Variants in MIB1 observed in about 807,000 individuals in gnomAD.
The protein encoded by MIB1 is MIB E3 ubiquitin protein ligase 1, also known as E3 ubiquitin-protein ligase MIB1.
Under a neutral mutation model 124.5 loss-of-function variants are expected in MIB1, and 278 were observed. The ratio of observed to expected loss-of-function variants is 2.23; its 90% confidence interval spans 2.02 to 2.47. MIB1 has a LOEUF of 2.47. Ranked by LOEUF, MIB1 falls within the 30% of genes most tolerant of loss-of-function variation. The pLI, the probability that MIB1 is intolerant of heterozygous loss-of-function variation, is 0.00. For synonymous variants in MIB1, 446 were observed against 429.4 expected, an observed-to-expected ratio of 1.04 and a Z score of -0.48; for missense variants, 957 against 1,254.4, an observed-to-expected ratio of 0.76 and a Z score of 3.58.
intron 12 of MIB1, among the ~76,000 whole-genome samples, chr18:21,820,560 A>C (rs1258242592): frequency 6.6e-6 from 1 of 152,214 alleles, no homozygotes; most frequent in Admixed American, 6.5e-5. Flanking sequence ...ATGAATGATC[A>C]TATTTTAGAT....
At chr18:21,734,602 C>T (rs1176821282) in intron 1 of MIB1, among the ~76,000 whole-genome samples, 5 of 151,704 alleles carry the variant, frequency 3.3e-5, no homozygotes, top group Non-Finnish European at 7.4e-5. Flanking sequence ...GATCTCAGCT[C>T]ACTGCAACCT....
At chr18:21,738,964 C>A (rs562510225), upstream of MIB1, among the ~76,000 whole-genome samples, 3 of 149,890 alleles carry the variant, frequency 2.0e-5, no homozygotes, top group Non-Finnish European at 3.0e-5. Context: ...GGTAGAGACA[C>A]GAAAAACCCT....
At chr18:21,804,115 C>A in intron 10 of MIB1, 101 bp downstream of exon 10, 2 of 815,776 alleles carry the variant, frequency 2.5e-6, no homozygotes, top group Non-Finnish European at 3.9e-6. Flanking sequence ...ATTTAGTATC[C>A]AACTAAGGCT....
At chr18:21,852,745 T>TA (rs1395138178) in intron 17 of MIB1, among the ~76,000 whole-genome samples, 1 of 152,198 alleles carries the variant, frequency 6.6e-6, no homozygotes, top group Non-Finnish European at 1.5e-5. Flanking sequence ...AGATTTTTAT[T>TA]AATATTAGAA....
chr18:21,713,441 C>T (rs2040674461), intron 1 of MIB1, among the ~76,000 whole-genome samples: 1 of 151,824 alleles, frequency 6.6e-6, no homozygotes, highest in Admixed American at 6.6e-5. Flanking sequence ...AAAACCCCGT[C>T]TCTACTAAAA....
intron 7 of MIB1, among the ~76,000 whole-genome samples, chr18:21,797,491 A>G (rs1043907765): frequency 1.3e-5 from 2 of 152,204 alleles, no homozygotes; most frequent in South Asian, 2.1e-4. Context: ...TGTTTTCAAA[A>G]AAAAGGTGAT....
chr18:21,862,223 G>T (rs1215340007), intron 20 of MIB1, among the ~76,000 whole-genome samples: 2 of 152,094 alleles, frequency 1.3e-5, no homozygotes, highest in Admixed American at 1.3e-4. Flanking sequence ...AAAAAGATGG[G>T]ATTTTCTATA....
chr18:21,764,734 A>AC (rs2041136964), intron 1 of MIB1, among the ~76,000 whole-genome samples: 1 of 147,442 alleles, frequency 6.8e-6, no homozygotes, highest in Admixed American at 6.7e-5. Context: ...TTTTGAAAAA[A>AC]AAAACAAAAC....
intron 10 of MIB1, among the ~76,000 whole-genome samples, chr18:21,814,484 GAAGTTGGAGAATTTATT>G (rs996751250): frequency 1.3e-5 from 2 of 151,900 alleles, no homozygotes; most frequent in Non-Finnish European, 2.9e-5. Context: ...TTGTGAGGCT[GAAGTTGGAGAATTTATT>G]AAGGCCAGGA....
At position 21,741,535 on chromosome 18, in the gene MIB1, A is replaced by C; in HGVS notation, c.-49A>C. On this transcript the variant is annotated 5_prime_UTR_variant, in exon 1 of 21. Coordinates refer to ENST00000261537, the MANE Select transcript of MIB1 (RefSeq NM_020774.4). This position sits in a 1 kb window ranked among gnomAD's most constrained non-coding sequence, Gnocchi z 5.4. ...ACTCCCTCACGGGCCCCCCGGCGGC[A>C]GCGGCGGCGGCGGCGGCGGCAGCGG... is the stretch of plus-strand genomic sequence containing the variant. The C allele has an allele frequency of 8.1e-7, 1 of 1,231,446 alleles. No individual in the cohort carries two copies. Among genetic ancestry groups the C allele is most frequent in the Non-Finnish European group, 1.0e-6 (1 of 976,488 alleles). The allele number at this position is 1,231,446 out of a possible 1,614,324, so 76.3% of individuals were successfully genotyped here.
intron 1 of MIB1, among the ~76,000 whole-genome samples, chr18:21,712,352 T>C (rs1033497275): frequency 5.9e-5 from 9 of 152,142 alleles, no homozygotes; most frequent in Admixed American, 2.6e-4. Flanking sequence ...CTGGAGTGTG[T>C]ATAGGACCTG....
intron 1 of MIB1, among the ~76,000 whole-genome samples, chr18:21,725,094 CAAAAA>C (rs1218383555): frequency 6.8e-5 from 3 of 44,208 alleles, no homozygotes; most frequent in African/African-American, 2.5e-4. Flanking sequence ...GACTCTGTCT[CAAAAA>C]AAAAAAAAAA....
At chr18:21,846,697 G>T (rs574350942) in intron 15 of MIB1, among the ~76,000 whole-genome samples, 1 of 152,282 alleles carries the variant, frequency 6.6e-6, no homozygotes, top group East Asian at 1.9e-4. Flanking sequence ...TATAGGTAAG[G>T]TAGAGGTATC....
chr18:21,841,225 G>A lies in MIB1; in HGVS notation c.1963-1906G>A, dbSNP rs368679374. Among the ~76,000 whole-genome samples the A allele has an allele frequency of 5.3e-4, 80 of 152,240 alleles. No individual in the cohort carries two copies. In the Middle Eastern group the frequency reaches 0.014, roughly 26 times the overall value. ...TACTAAAAATGCAAAAATTAGCCAG[G>A]CGTGGTGGCACGCACCTGTAGTCCC... On this transcript the variant is annotated intron_variant, in intron 13 of 20. Transcript: ENST00000261537.
intron 19 of MIB1, among the ~76,000 whole-genome samples, chr18:21,858,184 G>A (rs1278243190): frequency 6.6e-6 from 1 of 152,166 alleles, no homozygotes; most frequent in African/African-American, 2.4e-5. Context: ...AAGCCCTGCT[G>A]GTTACTTTCT....
chr18:21,843,359 C>A, intron 14 of MIB1, 142 bp downstream of exon 14: 2 of 544,124 alleles, frequency 3.7e-6, no homozygotes, highest in East Asian at 3.4e-5. Flanking sequence ...TATCTAAATA[C>A]AATGTGATCT....
Position 21,773,733 on chromosome 18 carries a change from G to A in MIB1, c.636+5G>A, listed in dbSNP as rs1443922101. On this transcript the variant is annotated splice_donor_5th_base_variant and intron_variant, in intron 4 of 20. Transcript: ENST00000261537. ...AGAGTTGGCTTTGAGGGCATGGTAA[G>A]TAGTGAAGAGCCATAGCAGGTGAAA... 6.4e-7 allele frequency: 1 copy of A among 1,563,826 alleles called. No individual in the cohort carries two copies. Among genetic ancestry groups the A allele is most frequent in the Non-Finnish European group, 8.7e-7 (1 of 1,150,576 alleles).
At position 21,779,566 on chromosome 18, in the gene MIB1, T is replaced by G; in HGVS notation, c.789T>G (p.Ser263=). 2.5e-6 allele frequency: 4 copies of G among 1,614,100 alleles called. No individual in the cohort carries two copies. Among genetic ancestry groups the G allele is most frequent in the Non-Finnish European group, 3.4e-6 (4 of 1,179,992 alleles). Reference sequence around the variant, plus strand: ...ATCTCGACCTCGAAATTGTACAGTCTTTGCAGCATGGTCATGGAGGATGGA... The same window carrying G: ...ATCTCGACCTCGAAATTGTACAGTCGTTGCAGCATGGTCATGGAGGATGGA... ...NIDLDLEIVQ[S]LQHGHGGWTD... is the part of the protein sequence containing the mutation. The change falls in exon 6 of 21, where the codon TCT becomes TCG. Residue 263 remains serine (S), a synonymous_variant. Transcript: ENST00000261537.
rs370642266 is a variant in MIB1 at position 21,849,405 on chromosome 18, A to G, written c.2586+17A>G. On this transcript the variant is annotated intron_variant, in intron 17 of 20. Transcript: ENST00000261537. ...AGGACAAAGGTAAGATATATTTAAT[A>G]TAGTATTTTGTCATTTTATGAAGTT... 98 of 1,460,664 alleles carry G rather than the reference A, an allele frequency of 6.7e-5. No homozygotes were observed. The African/African-American group carries it at 1.2e-3, about 18-fold the overall frequency. 90.5% of individuals were successfully genotyped at this position (1,460,664 alleles called of 1,614,324 possible).
Sources: allele counts gnomAD v4.1 joint callset (sites outside exome capture counted in the v4.1 genomes callset), GRCh38; gene constraint gnomAD v4.1.1; non-coding constraint Gnocchi (gnomAD v3.1); transcripts MANE v1.5; gene names NCBI Gene and HGNC (gene_info 2026-07-23, HGNC 2026-07-21).